TENM2: variants seen among roughly 807,000 people sequenced by gnomAD.
TENM2 encodes teneurin-2.
In TENM2, 52 loss-of-function variants were observed where a neutral mutation model predicts 245.2. The ratio of observed to expected loss-of-function variants is 0.21; its 90% confidence interval spans 0.17 to 0.27. The LOEUF (loss-of-function observed/expected upper bound fraction) is 0.27, where lower values mean the gene tolerates loss of function less well. Among genes scored for constraint, TENM2 ranks in the 10% least tolerant of loss-of-function variants. TENM2 has a pLI of 1.00. For missense variants in TENM2, 3,046 were observed against 3,666.8 expected (o/e 0.83, Z 4.37); for synonymous variants, 1,363 against 1,438.9 (o/e 0.95, Z 1.19).
chr5:167,029,902 C>T, the TENM2 span, among the ~76,000 whole-genome samples: 1 of 152,174 alleles, frequency 6.6e-6, no homozygotes, highest in Non-Finnish European at 1.5e-5. Context: ...CTGAGCCTTG[C>T]TTGCAAACCA....
At chr5:167,579,163 C>T (rs1459892635) in intron 2 of TENM2, among the ~76,000 whole-genome samples, 1 of 152,154 alleles carries the variant, frequency 6.6e-6, no homozygotes, top group Non-Finnish European at 1.5e-5. Flanking sequence ...CATTATCAAA[C>T]ACAAAAGGCA....
At chr5:168,178,213 G>T (rs1305977026) in intron 13 of TENM2, among the ~76,000 whole-genome samples, 1 of 152,194 alleles carries the variant, frequency 6.6e-6, no homozygotes, top group Admixed American at 6.5e-5. Context: ...GCCCCAGCAG[G>T]TCACTGTCTG....
At chr5:167,464,928 A>C (rs1485049064) in intron 2 of TENM2, among the ~76,000 whole-genome samples, 4 of 152,258 alleles carry the variant, frequency 2.6e-5, no homozygotes, top group African/African-American at 9.6e-5. Flanking sequence ...ATCAGCATGC[A>C]TAGTATGTAC....
chr5:167,783,039 C>A (rs1764303789), intron 2 of TENM2, among the ~76,000 whole-genome samples: 1 of 152,170 alleles, frequency 6.6e-6, no homozygotes, highest in Non-Finnish European at 1.5e-5. Context: ...TGGCAACTTG[C>A]TGCTTCTGCC....
chr5:168,216,193 T>C (rs1216277720), intron 21 of TENM2, among the ~76,000 whole-genome samples: 1 of 152,168 alleles, frequency 6.6e-6, no homozygotes, highest in East Asian at 1.9e-4. Flanking sequence ...AGAAGCCATA[T>C]CTGTGCCTTT....
rs989853951 is a variant in TENM2, at chr5:168,218,237, T to C, written c.4346T>C (p.Ile1449Thr). ...ACCGAGAACCACCAAGTCAGCATCA[T>C]TGCGGGACGCCCCATGCACTGCCAA... The change falls in exon 23 of 29, where the codon ATT becomes ACT. Residue 1449 changes from isoleucine (I) to threonine (T), a missense_variant. Physicochemically the swap from Ile to Thr is moderately conservative, Grantham distance 89 (BLOSUM62 -1). Transcript: ENST00000518659. This position sits in a 1 kb window ranked among gnomAD's most constrained non-coding sequence, Gnocchi z 5.2. The C allele has an allele frequency of 5.8e-5, 93 of 1,613,582 alleles. No individual in the cohort carries two copies. The highest frequency in any genetic ancestry group is 6.8e-5 in the Non-Finnish European group (80 of 1,179,848).
intron 2 of TENM2, among the ~76,000 whole-genome samples, chr5:167,440,526 CAT>C (rs59451472): frequency 6.6e-6 from 1 of 151,954 alleles, no homozygotes; most frequent in African/African-American, 2.4e-5. Context: ...TCAAATGAAA[CAT>C]ATATATAATG....
intron 2 of TENM2, among the ~76,000 whole-genome samples, chr5:167,525,687 C>T (rs2127587349): frequency 6.6e-6 from 1 of 152,154 alleles, no homozygotes; most frequent in East Asian, 1.9e-4. Context: ...GATTTCTCAC[C>T]AGGTATCCAT....
At chr5:167,811,636 T>C (rs1337602792) in intron 2 of TENM2, among the ~76,000 whole-genome samples, 1 of 152,152 alleles carries the variant, frequency 6.6e-6, no homozygotes, top group Non-Finnish European at 1.5e-5. Flanking sequence ...GTCAAGATGT[T>C]AATGGTTCAA....
chr5:167,454,666 C>A (rs1765806316), intron 2 of TENM2, among the ~76,000 whole-genome samples: 1 of 152,126 alleles, frequency 6.6e-6, no homozygotes, highest in Non-Finnish European at 1.5e-5. Flanking sequence ...ATCCACTCAA[C>A]CGTTGGTTCT....
At chr5:167,776,593 GAAAAAAAAAAA>G (rs869252752) in intron 2 of TENM2, among the ~76,000 whole-genome samples, 1,068 of 35,934 alleles carry the variant, frequency 0.03, 39 homozygotes, top group African/African-American at 0.09. Context: ...GACCCTGTCT[GAAAAAAAAAAA>G]AAAAAAAAAA....
chr5:167,834,726 T>G (rs1189794680), intron 2 of TENM2, among the ~76,000 whole-genome samples: 1 of 149,820 alleles, frequency 6.7e-6, no homozygotes, highest in African/African-American at 2.5e-5. Flanking sequence ...CTCGGCTCAC[T>G]GCAAGCTCCG....
intron 13 of TENM2, among the ~76,000 whole-genome samples, chr5:168,172,060 C>T (rs1758885996): frequency 6.6e-6 from 1 of 152,242 alleles, no homozygotes; most frequent in Admixed American, 6.5e-5. Flanking sequence ...GCAACTCGCT[C>T]ACCCAGGAAC....
At chr5:167,230,270 G>A in the TENM2 span, among the ~76,000 whole-genome samples, 3 of 152,300 alleles carry the variant, frequency 2.0e-5, no homozygotes. Context: ...GGAGTCTGCT[G>A]TGGAAATGTG....
At chr5:167,517,906 G>A (rs1326062282) in intron 2 of TENM2, among the ~76,000 whole-genome samples, 4 of 152,026 alleles carry the variant, frequency 2.6e-5, no homozygotes, top group Admixed American at 2.0e-4. Context: ...ATTCAGCAGG[G>A]GCCGGGCACC....
At chr5:167,028,069 CAAAA>C in the TENM2 span, among the ~76,000 whole-genome samples, 1 of 92,696 alleles carries the variant, frequency 1.1e-5, no homozygotes, top group East Asian at 3.2e-4. Flanking sequence ...GATTCCATCT[CAAAA>C]AAAAAAAAAA....
chr5:167,495,340 A>G (rs1768743735), intron 2 of TENM2, among the ~76,000 whole-genome samples: 1 of 151,888 alleles, frequency 6.6e-6, no homozygotes, highest in South Asian at 2.1e-4. Context: ...ATGCTTGAAA[A>G]TTCTTTGGGG....
At chr5:168,095,057 G>A (rs996056831) in intron 8 of TENM2, among the ~76,000 whole-genome samples, 16 of 151,642 alleles carry the variant, frequency 1.1e-4, no homozygotes, top group Admixed American at 6.6e-4. Flanking sequence ...AGCTCAGGGC[G>A]CCCACTGATT....
rs1416539761 is a variant in TENM2, at chr5:167,320,855, G to A, written c.226+35792G>A. On this transcript the variant is annotated intron_variant, in intron 1 of 28. Transcript: ENST00000518659. ...AGTAGCACAAAACAGACTAAGACAA[G>A]GGACAACTTATTTTTTATGGTTGTT... Among the ~76,000 whole-genome samples, 7 of 152,238 alleles carry A rather than the reference G, an allele frequency of 4.6e-5. 1 individual carries two copies. The highest frequency in any genetic ancestry group is 3.9e-4 in the East Asian group (2 of 5,174).
Sources: allele counts gnomAD v4.1 joint callset (sites outside exome capture counted in the v4.1 genomes callset), GRCh38; gene constraint gnomAD v4.1.1; non-coding constraint Gnocchi (gnomAD v3.1); transcripts MANE v1.5; gene names NCBI Gene and HGNC (gene_info 2026-07-23, HGNC 2026-07-21).